The following MACROD2 variants were observed in gnomAD, a reference collection of about 807,000 sequenced individuals.
The protein encoded by MACROD2 is mono-ADP ribosylhydrolase 2.
MACROD2 carries 36 observed loss-of-function variants against 70.4 expected under a neutral mutation model. The ratio of observed to expected loss-of-function variants is 0.51; its 90% CI spans 0.39 to 0.68. MACROD2 has a LOEUF of 0.68. Ranked by LOEUF, MACROD2 falls within the 30% of genes least tolerant of loss-of-function variation. The pLI is 0.00. For missense variants in MACROD2, 496 were observed against 538.4 expected, an observed-to-expected ratio of 0.92 and a Z score of 0.78; for synonymous variants, 172 against 178.8, an observed-to-expected ratio of 0.96 and a Z score of 0.30.
At chr20:15,138,251 A>G (rs1305370361) in intron 5 of MACROD2, among the ~76,000 whole-genome samples, 1 of 152,154 alleles carries the variant, frequency 6.6e-6, no homozygotes. Context: ...TAGTTTCAGT[A>G]TATTTTGTTT....
intron 3 of MACROD2, among the ~76,000 whole-genome samples, chr20:14,474,014 T>A (rs1229781131): frequency 1.3e-5 from 2 of 152,006 alleles, no homozygotes; most frequent in Admixed American, 1.3e-4. Context: ...TATTATTATT[T>A]TTTACTTTTT....
chr20:14,855,096 T>C (rs1462739996), intron 5 of MACROD2, among the ~76,000 whole-genome samples: 2 of 152,182 alleles, frequency 1.3e-5, no homozygotes, highest in African/African-American at 4.8e-5. Flanking sequence ...GGTGATGGAA[T>C]TTTCAAAAAG....
intron 5 of MACROD2, among the ~76,000 whole-genome samples, chr20:14,863,606 C>G (rs976464609): frequency 6.6e-6 from 1 of 151,804 alleles, no homozygotes; most frequent in Middle Eastern, 3.4e-3. Flanking sequence ...TGTGAGTTTC[C>G]AAATTGTAAA....
chr20:14,448,383 T>G (rs1405808325), intron 3 of MACROD2, among the ~76,000 whole-genome samples: 1 of 151,820 alleles, frequency 6.6e-6, no homozygotes, highest in Non-Finnish European at 1.5e-5. Flanking sequence ...GAATGGATTT[T>G]TTAAACAGTG....
intron 12 of MACROD2, among the ~76,000 whole-genome samples, chr20:15,960,319 G>A (rs1348835346): frequency 6.6e-6 from 1 of 152,106 alleles, no homozygotes; most frequent in East Asian, 1.9e-4. Context: ...CCCTAATTAG[G>A]TGGCAGAAAC....
At chr20:15,719,107 A>G (rs2050747832) in intron 8 of MACROD2, among the ~76,000 whole-genome samples, 1 of 152,188 alleles carries the variant, frequency 6.6e-6, no homozygotes, top group African/African-American at 2.4e-5. Context: ...CACACAGAGA[A>G]ATACCACTGC....
intron 4 of MACROD2, among the ~76,000 whole-genome samples, chr20:14,510,295 T>G (rs966008848): frequency 1.3e-5 from 2 of 151,412 alleles, no homozygotes; most frequent in African/African-American, 2.4e-5. Flanking sequence ...AAATGTCTCT[T>G]GAGTTTTCAG....
chr20:14,826,885 AGCCTAAATGCG>A (rs1454010054), intron 5 of MACROD2, among the ~76,000 whole-genome samples: 5 of 152,150 alleles, frequency 3.3e-5, no homozygotes, highest in African/African-American at 1.2e-4. Context: ...TTCAGCAGAC[AGCCTAAATGCG>A]GCATCATGCT....
chr20:15,803,319 T>C (rs919328318), intron 8 of MACROD2, among the ~76,000 whole-genome samples: 1 of 152,084 alleles, frequency 6.6e-6, no homozygotes, highest in African/African-American at 2.4e-5. Flanking sequence ...GGCTTTAAAA[T>C]GAAGCTGAGA....
chr20:14,532,398 T>A (rs1022325029), intron 4 of MACROD2, among the ~76,000 whole-genome samples: 3 of 151,430 alleles, frequency 2.0e-5, no homozygotes, highest in Admixed American at 6.6e-5. Context: ...TTTTTTTTTT[T>A]TTATTTAGTA....
At chr20:14,292,400 A>C (rs1274803285) in intron 3 of MACROD2, among the ~76,000 whole-genome samples, 1 of 151,868 alleles carries the variant, frequency 6.6e-6, no homozygotes, top group African/African-American at 2.4e-5. Flanking sequence ...GCTGCTGAAC[A>C]TATGCAGAAG....
At chr20:15,212,962 T>C (rs2076776912) in intron 5 of MACROD2, among the ~76,000 whole-genome samples, 1 of 152,276 alleles carries the variant, frequency 6.6e-6, no homozygotes, top group African/African-American at 2.4e-5. Flanking sequence ...ACCAGAACCT[T>C]TAGATGGTTT....
intron 3 of MACROD2, among the ~76,000 whole-genome samples, chr20:14,202,224 C>A (rs1417620032): frequency 6.6e-6 from 1 of 152,084 alleles, no homozygotes; most frequent in Non-Finnish European, 1.5e-5. Flanking sequence ...CTTTTCTTCA[C>A]CCAAAGTGAT....
At chr20:14,981,440 A>ATG (rs1466150787) in intron 5 of MACROD2, among the ~76,000 whole-genome samples, 1 of 62,848 alleles carries the variant, frequency 1.6e-5, no homozygotes, top group African/African-American at 5.8e-5. Flanking sequence ...ATGTATATAT[A>ATG]TATATATATA....
intron 5 of MACROD2, among the ~76,000 whole-genome samples, chr20:14,909,063 A>G (rs1487048501): frequency 6.6e-6 from 1 of 152,172 alleles, no homozygotes; most frequent in African/African-American, 2.4e-5. Flanking sequence ...ATTCTGTTTC[A>G]CCATATAGAG....
At chr20:14,928,895 TTAA>T (rs1381228756) in intron 5 of MACROD2, among the ~76,000 whole-genome samples, 2 of 152,198 alleles carry the variant, frequency 1.3e-5, no homozygotes, top group African/African-American at 4.8e-5. Flanking sequence ...CTTCCTGTTT[TTAA>T]TCACTAGCGT....
intron 6 of MACROD2, among the ~76,000 whole-genome samples, chr20:15,383,773 C>T (rs2146282349): frequency 6.6e-6 from 1 of 152,210 alleles, no homozygotes; most frequent in South Asian, 2.1e-4. Context: ...TTGACAGAAA[C>T]ATTTCATTTT....
intron 3 of MACROD2, among the ~76,000 whole-genome samples, chr20:14,108,273 AAAGC>A (rs1190912129): frequency 6.6e-6 from 1 of 152,146 alleles, no homozygotes; most frequent in Non-Finnish European, 1.5e-5. Context: ...CAAAAAATAA[AAAGC>A]AAGAAATTAA....
intron 4 of MACROD2, among the ~76,000 whole-genome samples, chr20:14,657,820 C>A (rs1384121365): frequency 1.3e-5 from 2 of 152,102 alleles, no homozygotes. Flanking sequence ...AAGGAAGATG[C>A]TCTGCCAATA....
Sources: allele counts gnomAD v4.1 joint callset (sites outside exome capture counted in the v4.1 genomes callset), GRCh38; gene constraint gnomAD v4.1.1; transcripts MANE v1.5; gene names NCBI Gene and HGNC (gene_info 2026-07-23, HGNC 2026-07-21).